Variants in LBR observed in about 807,000 individuals in gnomAD.
LBR encodes lamin B receptor, also known as delta(14)-sterol reductase LBR.
In LBR, 28 loss-of-function variants were observed where a neutral mutation model predicts 74.3. The observed-to-expected ratio is 0.38, with a 90% CI of 0.28 to 0.52. The LOEUF is 0.52. Ranked by LOEUF, LBR falls within the 20% of genes least tolerant of loss-of-function variation. The pLI, the probability that LBR is intolerant of heterozygous loss-of-function variation, is 0.89. For synonymous variants in LBR, 228 were observed against 269.3 expected (o/e 0.85, Z 1.50); for missense variants, 717 against 760.3 (o/e 0.94, Z 0.67).
rs1053095138 is a variant in LBR at position 225,419,127 on chromosome 1, C to T, written c.640+136G>A. 20 of 811,348 alleles carry T rather than the reference C, an allele frequency of 2.5e-5. No homozygotes were observed. The African/African-American group carries it at 3.0e-4, about 12-fold the overall frequency. 50.3% of individuals were successfully genotyped at this position (811,348 alleles called of 1,614,324 possible). A position where few individuals can be genotyped will look rare whatever the true frequency, so the allele number is the denominator to read the frequency against. On this transcript the variant is annotated intron_variant, in intron 5 of 13. Coordinates refer to ENST00000272163, the MANE Select transcript of LBR (RefSeq NM_002296.4). Reference sequence around the variant, plus strand: ...CACCCACTGTTCCTTCTCTGGAAGGCTCTTCCACAGGTTCCCACCAGGCTC... The same window carrying T: ...CACCCACTGTTCCTTCTCTGGAAGGTTCTTCCACAGGTTCCCACCAGGCTC...
chr1:225,420,394 T>C (rs1487374351), intron 3 of LBR, among the ~76,000 whole-genome samples: 3 of 151,704 alleles, frequency 2.0e-5, no homozygotes, highest in East Asian at 3.9e-4. Context: ...GTATTTACTA[T>C]GAAAGGCAGA....
In LBR at chr1:225,413,957, G is replaced by T. The variant is rs777608364; in HGVS notation, c.893-1312C>A. ...ATATAACACAAGACTACTTAGAAAA[G>T]AATTGGTACCTACAGAGAAACACAC... On this transcript the variant is annotated intron_variant, in intron 7 of 13. Transcript: ENST00000272163. The T allele has an allele frequency of 1.1e-4, 50 of 456,636 alleles. 1 individual carries two copies. Among genetic ancestry groups the T allele is most frequent in the South Asian group, 2.6e-4 (17 of 64,572 alleles). The allele number at this position is 456,636 out of a possible 1,614,324, so 28.3% of individuals were successfully genotyped here. A position where few individuals can be genotyped will look rare whatever the true frequency, so the allele number is the denominator to read the frequency against.
At chr1:225,416,249 T>C (rs572845049) in intron 6 of LBR, among the ~76,000 whole-genome samples, 19 of 150,322 alleles carry the variant, frequency 1.3e-4, no homozygotes, top group Admixed American at 7.3e-4. Context: ...GCACGCATCA[T>C]GCATCAGAAC....
Position 225,402,417 on chromosome 1 carries a change from G to T in LBR, c.*886C>A, listed in dbSNP as rs998127633. Reference sequence around the variant, plus strand: ...TTTTCTATTTGCAACAGTTTATAAAGGCAAACAAACACCTGCAATTGAGGT... The same window carrying T: ...TTTTCTATTTGCAACAGTTTATAAATGCAAACAAACACCTGCAATTGAGGT... On this transcript the variant is annotated 3_prime_UTR_variant, in exon 14 of 14. Transcript: ENST00000272163. The T allele has an allele frequency of 1.3e-5, 2 of 152,132 alleles. No individual in the cohort carries two copies. Among genetic ancestry groups the T allele is most frequent in the African/African-American group, 4.8e-5 (2 of 41,342 alleles). 9.4% of individuals were successfully genotyped at this position (152,132 alleles called of 1,614,324 possible).
intron 1 of LBR, among the ~76,000 whole-genome samples, chr1:225,426,054 T>C (rs2096138536): frequency 6.6e-6 from 1 of 152,234 alleles, no homozygotes; most frequent in Non-Finnish European, 1.5e-5. Flanking sequence ...ACACATATGG[T>C]GGATACCTGT....
At position 225,404,427 on chromosome 1, in the gene LBR, G is replaced by A. The variant is rs2096087224; in HGVS notation, c.1664C>T (p.Ala555Val). ...ACCACATGGGAGGGACCACGCCAAGGCCATGATGAGATCACCCAAGTAATT... is the reference window on the plus strand; with the variant it reads ...ACCACATGGGAGGGACCACGCCAAGACCATGATGAGATCACCCAAGTAATT... ...HPNYLGDLIMALAWSLPCGFN... is the reference protein window; with the variant it reads ...HPNYLGDLIMVLAWSLPCGFN... Residue 555 changes from alanine to valine, a missense_variant, in exon 13 of 14, where the codon GCC becomes GTC. Physicochemically the swap from Ala to Val is moderately conservative, Grantham distance 64. Transcript: ENST00000272163. The A allele has an allele frequency of 1.9e-6, 3 of 1,613,984 alleles. No individual in the cohort carries two copies. The highest frequency in any genetic ancestry group is 1.7e-5 in the Admixed American group (1 of 59,986).
chr1:225,405,420 A>T (rs2096089474), intron 11 of LBR, among the ~76,000 whole-genome samples: 1 of 152,212 alleles, frequency 6.6e-6, no homozygotes, highest in Admixed American at 6.5e-5. Context: ...GTGGAGAGGT[A>T]GCACCTTTAA....
In LBR at chr1:225,416,812, C is replaced by T. The variant is rs377160536; in HGVS notation, c.837+1172G>A. Among the ~76,000 whole-genome samples, 5 of 152,216 alleles carry T rather than the reference C, an allele frequency of 3.3e-5. No homozygotes were observed. In the East Asian group the frequency reaches 7.7e-4, roughly 24 times the overall value. On this transcript the variant is annotated intron_variant, in intron 6 of 13. Coordinates refer to ENST00000272163, the MANE Select transcript of LBR (RefSeq NM_002296.4). Reference sequence around the variant, plus strand: ...ATGATAACTATTTACATGGCACTTACGTTGTATTAGGTATTATAAGCAACC... The same window carrying T: ...ATGATAACTATTTACATGGCACTTATGTTGTATTAGGTATTATAAGCAACC...
chr1:225,426,664 G>A (rs2096139727), intron 1 of LBR, among the ~76,000 whole-genome samples: 1 of 152,192 alleles, frequency 6.6e-6, no homozygotes, highest in Admixed American at 6.5e-5. Flanking sequence ...ACGTGGCATA[G>A]AGCAAGACGC....
rs1211872785 is a variant in LBR, at chr1:225,422,288, G to A, written c.166-11C>T. On this transcript the variant is annotated splice_polypyrimidine_tract_variant and intron_variant, in intron 2 of 13. Transcript: ENST00000272163. ...AAAGGAAGTTAAAGGCTAGAAAGGG[G>A]GAAGAAGGCAAAGAGCTTTACCACA... 13 of 1,609,112 alleles carry A rather than the reference G, an allele frequency of 8.1e-6. No individual in the cohort carries two copies. Among genetic ancestry groups the A allele is most frequent in the Non-Finnish European group, 1.1e-5 (13 of 1,176,868 alleles).
intron 10 of LBR, among the ~76,000 whole-genome samples, chr1:225,407,371 C>G (rs1023774850): frequency 6.6e-6 from 1 of 152,204 alleles, no homozygotes; most frequent in Non-Finnish European, 1.5e-5. Flanking sequence ...GGAATAAGAT[C>G]ACCAACTCTT....
At chr1:225,408,128 T>C (rs371958452) in intron 10 of LBR, among the ~76,000 whole-genome samples, 20 of 152,208 alleles carry the variant, frequency 1.3e-4, no homozygotes, top group African/African-American at 4.8e-4. Context: ...AACTTAGAAC[T>C]TACTCCTCCT....
intron 7 of LBR, among the ~76,000 whole-genome samples, chr1:225,413,445 G>A (rs1308142974): frequency 6.6e-6 from 1 of 152,186 alleles, no homozygotes; most frequent in Non-Finnish European, 1.5e-5. Context: ...TCAAAGAGCT[G>A]TGATCCTAAA....
intron 11 of LBR, among the ~76,000 whole-genome samples, chr1:225,406,072 C>A (rs1440530613): frequency 6.6e-6 from 1 of 152,192 alleles, no homozygotes; most frequent in African/African-American, 2.4e-5. Context: ...CCTCATCTCA[C>A]ACTTCCCCAC....
At chr1:225,420,147 A>C (rs1186011333) in intron 3 of LBR, among the ~76,000 whole-genome samples, 1 of 152,080 alleles carries the variant, frequency 6.6e-6, no homozygotes, top group East Asian at 1.9e-4. Context: ...GTCTCTACTA[A>C]AAATACAAAA....
In LBR at chr1:225,403,331, G is replaced by T. The variant is rs779151785; in HGVS notation, c.1820C>A (p.Pro607His). The change falls in exon 14 of 14, where the codon CCC becomes CAC. Residue 607 changes from proline to histidine, a missense_variant. Coordinates refer to ENST00000272163, the MANE Select transcript of LBR (RefSeq NM_002296.4). ...GTAGATGTATGGAAATATACGGTAG[G>T]GCACACGCTGACAGTACTTTTCCCA... ...VAWEKYCQRV[P>H]YRIFPYIY 1.8e-5 allele frequency: 29 copies of T among 1,613,436 alleles called. No individual in the cohort carries two copies. The highest frequency in any genetic ancestry group is 5.0e-5 in the Admixed American group (3 of 59,890).
intron 7 of LBR, among the ~76,000 whole-genome samples, chr1:225,412,905 T>A (rs1318519349): frequency 1.3e-5 from 2 of 152,190 alleles, no homozygotes; most frequent in African/African-American, 2.4e-5. Context: ...TTGCTTTTAA[T>A]TAAGGGAAAA....
At chr1:225,423,379 G>A (rs2096131880) in intron 2 of LBR, among the ~76,000 whole-genome samples, 1 of 152,138 alleles carries the variant, frequency 6.6e-6, no homozygotes, top group South Asian at 2.1e-4. Flanking sequence ...TGTTCAGGAT[G>A]AAGCCCAAAC....
chr1:225,410,004 C>T (rs1287456791), intron 10 of LBR, among the ~76,000 whole-genome samples: 1 of 152,144 alleles, frequency 6.6e-6, no homozygotes, highest in African/African-American at 2.4e-5. Flanking sequence ...TAATTACCAC[C>T]ACCCACAAAA....
Sources: allele counts gnomAD v4.1 joint callset (sites outside exome capture counted in the v4.1 genomes callset), GRCh38; gene constraint gnomAD v4.1.1; transcripts MANE v1.5; gene names NCBI Gene and HGNC (gene_info 2026-07-23, HGNC 2026-07-21).